The following OPCML variants were observed in gnomAD, a reference collection of about 807,000 sequenced individuals.
OPCML encodes opioid-binding protein/cell adhesion molecule.
OPCML carries 13 observed loss-of-function variants against 37.8 expected under a neutral mutation model. The ratio of observed to expected loss-of-function variants is 0.34; its 90% CI spans 0.22 to 0.55. The LOEUF (loss-of-function observed/expected upper bound fraction) is 0.55. Among genes scored for constraint, OPCML ranks in the 20% least tolerant of loss-of-function variants. The probability of loss-of-function intolerance (pLI) is 0.91; values close to 1 mark genes in which losing one functional copy is unlikely to be tolerated. For synonymous variants in OPCML, 176 were observed against 168.8 expected (o/e 1.04, Z -0.33); for missense variants, 341 against 435.6 (o/e 0.78, Z 1.93).
chr11:133,204,907 T>TAC lies in OPCML; in HGVS notation c.62-261898_62-261897insGT, dbSNP rs1283977096. Reference sequence around the variant, plus strand: ...ATATATATATATATATATATATATATATACATACACATTTAGATATGGTCT... The same window carrying TAC: ...ATATATATATATATATATATATATATACATACATACACATTTAGATATGGTCT... On this transcript the variant is annotated intron_variant, in intron 1 of 7. Transcript: ENST00000524381. Among the ~76,000 whole-genome samples the TAC allele has an allele frequency of 1.9e-3, 249 of 133,476 alleles. 1 individual carries two copies. The highest frequency in any genetic ancestry group is 3.1e-3 in the Non-Finnish European group (199 of 63,220). 87.6% of individuals were successfully genotyped at this position (133,476 alleles called of 152,430 possible).
chr11:133,184,557 T>A (rs1937988497), intron 1 of OPCML, among the ~76,000 whole-genome samples: 1 of 152,098 alleles, frequency 6.6e-6, no homozygotes, highest in Non-Finnish European at 1.5e-5. Flanking sequence ...GCCTTAGAAG[T>A]GTGCTCCGCT....
intron 3 of OPCML, among the ~76,000 whole-genome samples, chr11:132,597,113 T>C (rs1438380690): frequency 6.6e-6 from 1 of 152,168 alleles, no homozygotes; most frequent in Non-Finnish European, 1.5e-5. Flanking sequence ...GTGATAACAT[T>C]TAAAAATCAA....
chr11:133,382,378 AT>A (rs1273041241), intron 1 of OPCML, among the ~76,000 whole-genome samples: 3 of 152,334 alleles, frequency 2.0e-5, no homozygotes, highest in East Asian at 1.9e-4. Flanking sequence ...GTTTGACCTC[AT>A]TCGTGAGCGA....
intron 2 of OPCML, among the ~76,000 whole-genome samples, chr11:132,852,943 A>G (rs528108674): frequency 1.8e-4 from 27 of 151,992 alleles, no homozygotes; most frequent in African/African-American, 6.3e-4. Flanking sequence ...CAGACACCTT[A>G]TGTAGCCCGC....
intron 1 of OPCML, among the ~76,000 whole-genome samples, chr11:133,168,776 G>A (rs1950248843): frequency 6.6e-6 from 1 of 152,150 alleles, no homozygotes; most frequent in Non-Finnish European, 1.5e-5. Context: ...ATTTTTCTAG[G>A]AATTATTGTA....
chr11:132,582,845 G>GGTTGTT (rs138990455), intron 3 of OPCML, among the ~76,000 whole-genome samples: 1 of 96,614 alleles, frequency 1.0e-5, no homozygotes, highest in Non-Finnish European at 1.8e-5. Flanking sequence ...TTTTGTTTAA[G>GGTTGTT]GTTTTTTTTT....
intron 1 of OPCML, among the ~76,000 whole-genome samples, chr11:132,994,210 G>T (rs1032312741): frequency 1.3e-5 from 2 of 152,100 alleles, no homozygotes; most frequent in African/African-American, 4.8e-5. Context: ...GCGCCGCAGC[G>T]GCTGGTGCGC....
chr11:133,424,961 C>A (rs1945970907), intron 1 of OPCML, among the ~76,000 whole-genome samples: 1 of 152,200 alleles, frequency 6.6e-6, no homozygotes, highest in African/African-American at 2.4e-5. Context: ...CTATTTGATA[C>A]TCTTCATTAA....
At chr11:132,513,768 A>C (rs776493567) in intron 4 of OPCML, among the ~76,000 whole-genome samples, 12 of 152,162 alleles carry the variant, frequency 7.9e-5, no homozygotes, top group Non-Finnish European at 1.6e-4. Context: ...TAACAACTGG[A>C]GTTAAATGAT....
intron 3 of OPCML, among the ~76,000 whole-genome samples, chr11:132,606,317 C>T (rs1042366079): frequency 2.0e-5 from 3 of 152,144 alleles, no homozygotes; most frequent in African/African-American, 4.8e-5. Flanking sequence ...CCAGGAACTG[C>T]CTGCTGGGGA....
intron 1 of OPCML, among the ~76,000 whole-genome samples, chr11:133,393,481 T>C (rs976681168): frequency 3.9e-5 from 6 of 152,204 alleles, no homozygotes; most frequent in African/African-American, 9.6e-5. Flanking sequence ...CTTACCATCT[T>C]TGGTAGCTGT....
chr11:133,233,008 T>C (rs2136391687), intron 1 of OPCML, among the ~76,000 whole-genome samples: 1 of 152,290 alleles, frequency 6.6e-6, no homozygotes, highest in South Asian at 2.1e-4. Context: ...TGGAACTGGG[T>C]ACCTGGACTT....
At chr11:133,155,300 A>G (rs1950042294) in intron 1 of OPCML, among the ~76,000 whole-genome samples, 1 of 152,140 alleles carries the variant, frequency 6.6e-6, no homozygotes, top group Non-Finnish European at 1.5e-5. Context: ...TGTACCCTTC[A>G]TTCCGTCTAT....
At chr11:132,843,082 C>CTTTT (rs908099363) in intron 2 of OPCML, among the ~76,000 whole-genome samples, 6 of 99,482 alleles carry the variant, frequency 6.0e-5, no homozygotes, top group Admixed American at 3.3e-4. Context: ...AGTGTGGTTC[C>CTTTT]TTTTTCTTTC....
chr11:133,251,205 T>C (rs1418207630), intron 1 of OPCML, among the ~76,000 whole-genome samples: 1 of 152,146 alleles, frequency 6.6e-6, no homozygotes, highest in East Asian at 1.9e-4. Context: ...TTCACGACAG[T>C]GGGCTACAAC....
At chr11:132,921,911 G>A (rs918369880) in intron 2 of OPCML, among the ~76,000 whole-genome samples, 14 of 151,822 alleles carry the variant, frequency 9.2e-5, no homozygotes, top group Middle Eastern at 3.4e-3. Context: ...ACAGAGTCTC[G>A]CTCTATCACC....
intron 1 of OPCML, among the ~76,000 whole-genome samples, chr11:132,969,113 C>T (rs530771798): frequency 1.8e-4 from 28 of 151,528 alleles, no homozygotes; most frequent in African/African-American, 5.3e-4. Flanking sequence ...CCCTCCCACC[C>T]TTCCCCCTGA....
chr11:132,689,609 T>A (rs2135884187), intron 2 of OPCML, among the ~76,000 whole-genome samples: 1 of 152,326 alleles, frequency 6.6e-6, no homozygotes, highest in Middle Eastern at 3.4e-3. Context: ...ATATTTAACA[T>A]CTCTGGAAGG....
chr11:133,159,751 T>C (rs1837172307), intron 1 of OPCML, among the ~76,000 whole-genome samples: 1 of 152,182 alleles, frequency 6.6e-6, no homozygotes, highest in Admixed American at 6.5e-5. Flanking sequence ...TGTCTCCCTG[T>C]CTCCCAAAGC....
Sources: allele counts gnomAD v4.1 joint callset (sites outside exome capture counted in the v4.1 genomes callset), GRCh38; gene constraint gnomAD v4.1.1; transcripts MANE v1.5; gene names NCBI Gene and HGNC (gene_info 2026-07-23, HGNC 2026-07-21).